The following SYN3 variants were observed in gnomAD, a reference collection of about 807,000 sequenced individuals.
SYN3 encodes synapsin-3.
Under a neutral mutation model 65.8 loss-of-function variants are expected in SYN3, and 35 were observed. The ratio of observed to expected loss-of-function variants is 0.53; its 90% CI spans 0.41 to 0.70. The LOEUF (loss-of-function observed/expected upper bound fraction) is 0.70. SYN3 is among the 30% of genes least tolerant of loss of function. The pLI, the probability that SYN3 is intolerant of heterozygous loss-of-function variation, is 0.00. For missense variants in SYN3, 680 were observed against 749.0 expected (o/e 0.91, Z 1.08); for synonymous variants, 270 against 292.9 (o/e 0.92, Z 0.80).
In SYN3 at chr22:32,984,390, T is replaced by C. The variant is rs73162036; in HGVS notation, c.312-3688A>G. Among the ~76,000 whole-genome samples, 1,065 of 152,172 alleles carry C rather than the reference T, an allele frequency of 7.0e-3. 9 individuals are homozygous for C. The highest frequency in any genetic ancestry group is 0.035 in the South Asian group (168 of 4,824). ...ATCTTCCTTAATTCCCCACCCACTCTCCTCTGCACCACTGAGGCTCCTGGT... is the reference window on the plus strand; with the variant it reads ...ATCTTCCTTAATTCCCCACCCACTCCCCTCTGCACCACTGAGGCTCCTGGT... On this transcript the variant is annotated intron_variant, in intron 2 of 13. Transcript: ENST00000358763.
chr22:32,836,040 T>C (rs1212272293), intron 6 of SYN3, among the ~76,000 whole-genome samples: 1 of 152,246 alleles, frequency 6.6e-6, no homozygotes, highest in Non-Finnish European at 1.5e-5. Flanking sequence ...TATTTAGTAG[T>C]AGAAAGAAGA....
chr22:32,742,764 G>T (rs1569188133), intron 6 of SYN3, among the ~76,000 whole-genome samples: 1 of 152,158 alleles, frequency 6.6e-6, no homozygotes, highest in Non-Finnish European at 1.5e-5. Context: ...TCAGCAACCA[G>T]AAGTCCACGT....
At chr22:32,947,801 T>G (rs1466050934) in intron 3 of SYN3, among the ~76,000 whole-genome samples, 1 of 152,192 alleles carries the variant, frequency 6.6e-6, no homozygotes, top group Admixed American at 6.5e-5. Context: ...CAACACAAAC[T>G]TATTATCTCA....
At chr22:32,783,635 A>C (rs2046125242) in intron 6 of SYN3, among the ~76,000 whole-genome samples, 3 of 152,162 alleles carry the variant, frequency 2.0e-5, no homozygotes, top group Admixed American at 2.0e-4. Flanking sequence ...TCTGAAATAC[A>C]GTTGTTCAGC....
chr22:32,659,971 G>C (rs1011819647), intron 6 of SYN3, among the ~76,000 whole-genome samples: 2 of 152,198 alleles, frequency 1.3e-5, no homozygotes, highest in African/African-American at 4.8e-5. Context: ...ACTTCCGAGA[G>C]TCTAATTTTA....
chr22:32,868,120 G>GT (rs1167069009), intron 5 of SYN3, among the ~76,000 whole-genome samples: 1 of 152,188 alleles, frequency 6.6e-6, no homozygotes, highest in African/African-American at 2.4e-5. Flanking sequence ...GAGAGCGACA[G>GT]TTTGAGTGCC....
At chr22:32,573,432 A>G (rs1368776034) in intron 7 of SYN3, among the ~76,000 whole-genome samples, 3 of 152,156 alleles carry the variant, frequency 2.0e-5, no homozygotes, top group African/African-American at 7.2e-5. Flanking sequence ...TGTCAACACT[A>G]TGCTATTCAA....
chr22:32,704,201 AT>A (rs899651348), intron 6 of SYN3, among the ~76,000 whole-genome samples: 6 of 151,488 alleles, frequency 4.0e-5, no homozygotes, highest in African/African-American at 1.2e-4. Flanking sequence ...ATTCCTTCTG[AT>A]TTTTTTTCCC....
chr22:32,881,397 G>A (rs1221663249), intron 4 of SYN3, among the ~76,000 whole-genome samples: 1 of 152,178 alleles, frequency 6.6e-6, no homozygotes, highest in Non-Finnish European at 1.5e-5. Flanking sequence ...TGCTCTGTCG[G>A]GTTAACTATT....
At chr22:32,925,866 C>CTTTTTTTT (rs34649323) in intron 4 of SYN3, among the ~76,000 whole-genome samples, 19 of 132,688 alleles carry the variant, frequency 1.4e-4, no homozygotes, top group East Asian at 1.3e-3. Flanking sequence ...GATAGTTGTT[C>CTTTTTTTT]TTTTTTTTTT....
At chr22:32,727,461 T>A (rs1007490465) in intron 6 of SYN3, among the ~76,000 whole-genome samples, 1 of 152,246 alleles carries the variant, frequency 6.6e-6, no homozygotes, top group South Asian at 2.1e-4. Context: ...TAGTGCTGCA[T>A]ACACATATCT....
In SYN3 at chr22:32,569,592, ATC is replaced by A. The variant is rs1177209897; in HGVS notation, c.774+27080_774+27081del. 2.6e-4 allele frequency among the ~76,000 whole-genome samples: 18 copies of A among 68,532 alleles called. No homozygotes were observed. In the East Asian group the frequency reaches 4.2e-3, roughly 16 times the overall value. 45.0% of individuals were successfully genotyped at this position (68,532 alleles called of 152,430 possible). A position where few individuals can be genotyped will look rare whatever the true frequency, so the allele number is the denominator to read the frequency against. On this transcript the variant is annotated intron_variant, in intron 7 of 13. Coordinates refer to ENST00000358763, the MANE Select transcript of SYN3 (RefSeq NM_003490.4). The stretch of plus-strand genomic sequence containing the variant: ...CTCTCTATATATATATATATATAAA[ATC>A]TATCTATTTCTTCTAGGTGATGGTT...
intron 6 of SYN3, among the ~76,000 whole-genome samples, chr22:32,746,269 G>T (rs2044930752): frequency 6.6e-6 from 1 of 152,206 alleles, no homozygotes; most frequent in Admixed American, 6.5e-5. Context: ...TGACTTTTAT[G>T]ACCAGCTGGT....
chr22:32,560,523 C>T (rs1277783466), intron 7 of SYN3, among the ~76,000 whole-genome samples: 2 of 152,116 alleles, frequency 1.3e-5, no homozygotes, highest in South Asian at 2.1e-4. Context: ...CCTATCCTGT[C>T]GATTCCAGGC....
chr22:32,669,979 G>A lies in SYN3; in HGVS notation c.712-73243C>T, dbSNP rs1027167540. On this transcript the variant is annotated intron_variant, in intron 6 of 13. Coordinates refer to ENST00000358763, the MANE Select transcript of SYN3 (RefSeq NM_003490.4). Reference sequence around the variant, plus strand: ...ATGCAATGAAAGCAACAAGCTAGAAGGAGCTTGACTCCCTGAGGTCTTCAT... The same window carrying A: ...ATGCAATGAAAGCAACAAGCTAGAAAGAGCTTGACTCCCTGAGGTCTTCAT... Among the ~76,000 whole-genome samples the A allele has an allele frequency of 2.0e-5, 3 of 152,308 alleles. No individual in the cohort carries two copies. The East Asian group carries it at 5.8e-4, about 29-fold the overall frequency.
chr22:32,850,742 A>C (rs2048195186), intron 6 of SYN3, among the ~76,000 whole-genome samples: 1 of 152,174 alleles, frequency 6.6e-6, no homozygotes, highest in Admixed American at 6.5e-5. Flanking sequence ...AGGACCTGGC[A>C]TGCAAAAGTG....
chr22:32,731,191 T>C (rs1444726332), intron 6 of SYN3, among the ~76,000 whole-genome samples: 1 of 152,118 alleles, frequency 6.6e-6, no homozygotes, highest in Non-Finnish European at 1.5e-5. Context: ...AAACAATGAC[T>C]CCAATGCCAC....
At chr22:32,834,114 G>A (rs2047659589) in intron 6 of SYN3, among the ~76,000 whole-genome samples, 1 of 151,790 alleles carries the variant, frequency 6.6e-6, no homozygotes, top group Non-Finnish European at 1.5e-5. Flanking sequence ...GAACATCTAG[G>A]AACAGGGGTT....
rs376987059 is a variant in SYN3, at chr22:32,670,785, T to C, written c.712-74049A>G. ...TTGCAGAATGTGGCTATGTGGATTG[T>C]ATATAACGAGCATGTGCTACTTTTA... On this transcript the variant is annotated intron_variant, in intron 6 of 13. Transcript: ENST00000358763. 2.3e-3 allele frequency among the ~76,000 whole-genome samples: 347 copies of C among 152,358 alleles called. 2 individuals are homozygous for C. The highest frequency in any genetic ancestry group is 6.7e-3 in the African/African-American group (277 of 41,584).
Sources: gnomAD v4.1 joint callset for allele counts (sites outside exome capture counted in the v4.1 genomes callset) on GRCh38, gnomAD v4.1.1 for gene constraint, MANE v1.5 for transcripts, NCBI Gene and HGNC (gene_info 2026-07-23, HGNC 2026-07-21) for gene names.